Variants in PRIMA1 observed in about 807,000 individuals in gnomAD.
PRIMA1 encodes the protein proline-rich membrane anchor 1.
A neutral mutation model predicts 17.5 loss-of-function variants in PRIMA1; 7 were observed. The ratio of observed to expected loss-of-function variants is 0.40; its 90% CI spans 0.23 to 0.75. The LOEUF (loss-of-function observed/expected upper bound fraction) is 0.75, where lower values mean the gene tolerates loss of function less well. Among genes scored for constraint, PRIMA1 ranks in the 30% least tolerant of loss-of-function variants. The probability of loss-of-function intolerance (pLI) is 0.37; values close to 1 mark genes in which losing one functional copy is unlikely to be tolerated. For missense variants in PRIMA1, 200 were observed against 201.8 expected, an observed-to-expected ratio of 0.99 and a Z score of 0.05; for synonymous variants, 97 against 77.9, an observed-to-expected ratio of 1.25 and a Z score of -1.29.
intron 3 of PRIMA1, among the ~76,000 whole-genome samples, chr14:93,768,129 A>G (rs1452510072): frequency 6.6e-6 from 1 of 152,138 alleles, no homozygotes; most frequent in Non-Finnish European, 1.5e-5. Context: ...GCACCCAGGA[A>G]GCATATGCCG....
rs1247682745 is a variant in PRIMA1 at position 93,720,391 on chromosome 14, G to A, written c.*1053C>T. The A allele has an allele frequency of 2.0e-5, 3 of 152,354 alleles. No homozygotes were observed. Among genetic ancestry groups the A allele is most frequent in the Non-Finnish European group, 4.4e-5 (3 of 68,140 alleles). 9.4% of individuals were successfully genotyped at this position (152,354 alleles called of 1,614,324 possible). ...GAGACTGTGGAAACAGACATTGAAA[G>A]GAAGACCCTGGAAGAACAACACCTC... On this transcript the variant is annotated 3_prime_UTR_variant, in exon 5 of 5. Coordinates refer to ENST00000393140, the MANE Select transcript of PRIMA1 (RefSeq NM_178013.4).
chr14:93,752,898 G>A (rs922968073), intron 3 of PRIMA1, among the ~76,000 whole-genome samples: 31 of 152,316 alleles, frequency 2.0e-4, no homozygotes, highest in Admixed American at 1.8e-3. Flanking sequence ...CCTCAACATC[G>A]ACATCGTGGA....
chr14:93,726,035 C>T lies in PRIMA1; in HGVS notation c.360-4489G>A, dbSNP rs1481080048. On this transcript the variant is annotated intron_variant, in intron 4 of 4. Transcript: ENST00000393140. This position sits in a 1 kb window ranked among gnomAD's most constrained non-coding sequence, Gnocchi z 4.2. ...GAAACCAAGAGAGAGGTTAGTGAGACTTTCCTTGGCGGCACCCAGGATTCC... is the reference window on the plus strand; with the variant it reads ...GAAACCAAGAGAGAGGTTAGTGAGATTTTCCTTGGCGGCACCCAGGATTCC... 1 of 456,592 alleles carries T rather than the reference C, an allele frequency of 2.2e-6. No homozygotes were observed. Among genetic ancestry groups the T allele is most frequent in the South Asian group, 1.5e-5 (1 of 64,558 alleles). 28.3% of individuals were successfully genotyped at this position (456,592 alleles called of 1,614,324 possible). A position where few individuals can be genotyped will look rare whatever the true frequency, so the allele number is the denominator to read the frequency against.
At chr14:93,758,822 A>C (rs1299109730) in intron 3 of PRIMA1, among the ~76,000 whole-genome samples, 1 of 152,094 alleles carries the variant, frequency 6.6e-6, no homozygotes, top group Non-Finnish European at 1.5e-5. Flanking sequence ...GGGTGGGTTC[A>C]GGGATGATGA....
intron 3 of PRIMA1, among the ~76,000 whole-genome samples, chr14:93,771,300 A>G (rs565872395): frequency 6.6e-6 from 1 of 152,280 alleles, no homozygotes; most frequent in East Asian, 1.9e-4. Context: ...TAAAAAACAG[A>G]ATGCAGTGGA....
chr14:93,758,627 A>AAT (rs1201772791), intron 3 of PRIMA1, among the ~76,000 whole-genome samples: 3 of 151,924 alleles, frequency 2.0e-5, no homozygotes, highest in Admixed American at 6.6e-5. Flanking sequence ...AAGAAAAAGA[A>AAT]AAAGAAATAA....
chr14:93,741,380 A>G (rs2076183343), intron 3 of PRIMA1, among the ~76,000 whole-genome samples: 1 of 152,192 alleles, frequency 6.6e-6, no homozygotes, highest in Non-Finnish European at 1.5e-5. Context: ...CTTCCCTCCC[A>G]TGGGGTGTGG....
At chr14:93,786,208 C>A (rs2141199653) in intron 2 of PRIMA1, among the ~76,000 whole-genome samples, 1 of 152,330 alleles carries the variant, frequency 6.6e-6, no homozygotes, top group South Asian at 2.1e-4. Flanking sequence ...CGAAGCTGGT[C>A]CCAAGCCACT....
At position 93,723,480 on chromosome 14, in the gene PRIMA1, C is replaced by T. The variant is rs531666786; in HGVS notation, c.360-1934G>A. Among the ~76,000 whole-genome samples the T allele has an allele frequency of 2.0e-5, 3 of 151,944 alleles. No homozygotes were observed. In the East Asian group the frequency reaches 5.8e-4, roughly 29 times the overall value. On this transcript the variant is annotated intron_variant, in intron 4 of 4. Coordinates refer to ENST00000393140, the MANE Select transcript of PRIMA1 (RefSeq NM_178013.4). ...ATTAGCAGTTCATGGGAAGAACAAT[C>T]AGGCCCACTCAGAGACTACACACTG...
chr14:93,771,096 G>A lies in PRIMA1; in HGVS notation c.229+8080C>T, dbSNP rs113552073. Among the ~76,000 whole-genome samples, 448 of 152,058 alleles carry A rather than the reference G, an allele frequency of 2.9e-3. 1 individual carries two copies. The highest frequency in any genetic ancestry group is 9.8e-3 in the African/African-American group (408 of 41,462). Reference sequence around the variant, plus strand: ...CATGTATGTGTGTACATGTGCGTGCGTGTGCATGTACGCGTGTGCATGTAT... The same window carrying A: ...CATGTATGTGTGTACATGTGCGTGCATGTGCATGTACGCGTGTGCATGTAT... On this transcript the variant is annotated intron_variant, in intron 3 of 4. Transcript: ENST00000393140.
At chr14:93,740,235 T>G (rs2076176527) in intron 3 of PRIMA1, among the ~76,000 whole-genome samples, 1 of 152,042 alleles carries the variant, frequency 6.6e-6, no homozygotes, top group East Asian at 1.9e-4. Context: ...AACTCTAAAA[T>G]AAGAAAAAGG....
intron 3 of PRIMA1, among the ~76,000 whole-genome samples, chr14:93,743,105 T>A (rs983888757): frequency 6.6e-6 from 1 of 152,004 alleles, no homozygotes; most frequent in Non-Finnish European, 1.5e-5. Flanking sequence ...AAGAGGGGAG[T>A]GAGAGCCATG....
chr14:93,726,883 GCA>G lies in PRIMA1; in HGVS notation c.360-5339_360-5338del, dbSNP rs1307965736. On this transcript the variant is annotated intron_variant, in intron 4 of 4. Coordinates refer to ENST00000393140, the MANE Select transcript of PRIMA1 (RefSeq NM_178013.4). The surrounding 1 kb of genome is among the most constrained non-coding windows in gnomAD (Gnocchi z 4.2). Reference sequence around the variant, plus strand: ...CACATACACATATGTGCACATGCATGCACACATACATATGAATACACATATGC... The same window carrying G: ...CACATACACATATGTGCACATGCATGCACATACATATGAATACACATATGC... Among the ~76,000 whole-genome samples, 1 of 152,074 alleles carries G rather than the reference GCA, an allele frequency of 6.6e-6. No individual in the cohort carries two copies. Among genetic ancestry groups the G allele is most frequent in the Non-Finnish European group, 1.5e-5 (1 of 68,020 alleles).
At chr14:93,783,491 CTG>C (rs144531412) in intron 2 of PRIMA1, among the ~76,000 whole-genome samples, 2,182 of 152,280 alleles carry the variant, frequency 0.014, 53 homozygotes, top group African/African-American at 0.049. Context: ...CCTCGGGTGT[CTG>C]GAGCTTGTCC....
chr14:93,763,315 C>T (rs1231769330), intron 3 of PRIMA1, among the ~76,000 whole-genome samples: 2 of 152,208 alleles, frequency 1.3e-5, no homozygotes, highest in Non-Finnish European at 2.9e-5. Flanking sequence ...TGTGACAGCA[C>T]TGGGGGTCCC....
rs56856558 is a variant in PRIMA1, at chr14:93,725,718, G to GT, written c.360-4173dup. 2,265 of 340,224 alleles carry GT rather than the reference G, an allele frequency of 6.7e-3. 59 individuals carry two copies. The East Asian group carries it at 0.084, about 13-fold the overall frequency. 21.1% of individuals were successfully genotyped at this position (340,224 alleles called of 1,614,324 possible). ...CACTTAGACAAGCGTCTGGCATACCGTAAGTGCTCCATAAATGTTTGTTAG... is the reference window on the plus strand; with the variant it reads ...CACTTAGACAAGCGTCTGGCATACCGTTAAGTGCTCCATAAATGTTTGTTAG... On this transcript the variant is annotated intron_variant, in intron 4 of 4. Transcript: ENST00000393140.
intron 4 of PRIMA1, among the ~76,000 whole-genome samples, chr14:93,734,590 G>A (rs12432245): frequency 0.4 from 60,102 of 151,762 alleles, 12,135 homozygotes; most frequent in East Asian, 0.48. Flanking sequence ...CTCTGGGCCT[G>A]CCCAAAGCGC....
Position 93,726,157 on chromosome 14 carries a change from C to T in PRIMA1, c.360-4611G>A, listed in dbSNP as rs144130185. Among the ~76,000 whole-genome samples, 1,020 of 152,284 alleles carry T rather than the reference C, an allele frequency of 6.7e-3. 13 individuals carry two copies. Among genetic ancestry groups the T allele is most frequent in the African/African-American group, 0.022 (924 of 41,556 alleles). ...CTCCCACATTCCCTGCTCGGAGTGC[C>T]GCGCGGACAGCTCCAGCCGCACATG... is the stretch of plus-strand genomic sequence containing the variant. On this transcript the variant is annotated intron_variant, in intron 4 of 4. Coordinates refer to ENST00000393140, the MANE Select transcript of PRIMA1 (RefSeq NM_178013.4). The surrounding 1 kb of genome is among the most constrained non-coding windows in gnomAD (Gnocchi z 4.2).
At chr14:93,785,188 CAAAAA>C (rs386382197) in intron 2 of PRIMA1, among the ~76,000 whole-genome samples, 15 of 110,076 alleles carry the variant, frequency 1.4e-4, no homozygotes, top group African/African-American at 3.0e-4. Context: ...TCTTCTCTTT[CAAAAA>C]AAAAAAAAAA....
Sources: gnomAD v4.1 joint callset for allele counts (sites outside exome capture counted in the v4.1 genomes callset) on GRCh38, gnomAD v4.1.1 for gene constraint, Gnocchi (gnomAD v3.1) non-coding constraint, MANE v1.5 for transcripts, NCBI Gene and HGNC (gene_info 2026-07-23, HGNC 2026-07-21) for gene names.